SUGP1: variants seen among roughly 807,000 people sequenced by gnomAD.
SUGP1 encodes the protein SURP and G-patch domain containing 1, also known as SURP and G-patch domain-containing protein 1.
SUGP1 carries 34 observed loss-of-function variants against 76.5 expected under a neutral mutation model. That is an observed-to-expected ratio of 0.44 (90% CI 0.34 to 0.59). The LOEUF is 0.59. Ranked by LOEUF, SUGP1 falls within the 20% of genes least tolerant of loss-of-function variation. SUGP1 has a pLI of 0.01. For missense variants in SUGP1, 752 were observed against 851.7 expected (o/e 0.88, Z 1.46); for synonymous variants, 326 against 326.2 (o/e 1.00, Z 0.01).
chr19:19,297,759 C>T (rs1568627279), intron 7 of SUGP1, among the ~76,000 whole-genome samples: 1 of 152,334 alleles, frequency 6.6e-6, no homozygotes, highest in East Asian at 1.9e-4. Context: ...ATCCCAAGGG[C>T]TTCTCAAATG....
chr19:19,297,967 G>A (rs750467982), intron 7 of SUGP1, among the ~76,000 whole-genome samples: 12 of 152,204 alleles, frequency 7.9e-5, no homozygotes, highest in African/African-American at 2.7e-4. Flanking sequence ...CTCTCGGACC[G>A]TACACATCCC....
At chr19:19,308,107 C>T (rs2240117) in intron 3 of SUGP1, among the ~76,000 whole-genome samples, 22,891 of 152,150 alleles carry the variant, frequency 0.15, 1,857 homozygotes, top group East Asian at 0.22. Flanking sequence ...CCACTCACTG[C>T]TACCTCCGCC....
At chr19:19,299,764 G>C (rs1241484440) in intron 7 of SUGP1, among the ~76,000 whole-genome samples, 2 of 151,698 alleles carry the variant, frequency 1.3e-5, no homozygotes, top group African/African-American at 2.4e-5. Context: ...CTAGTCCAAG[G>C]GATGGGCGTT....
intron 2 of SUGP1, among the ~76,000 whole-genome samples, chr19:19,315,335 A>G (rs1457754336): frequency 6.6e-6 from 1 of 151,984 alleles, no homozygotes; most frequent in South Asian, 2.1e-4. Flanking sequence ...CTCAAAGAAA[A>G]AAAAAAAGGA....
intron 8 of SUGP1, among the ~76,000 whole-genome samples, chr19:19,295,566 A>G (rs952865800): frequency 6.4e-5 from 9 of 141,572 alleles, no homozygotes; most frequent in African/African-American, 2.4e-4. Flanking sequence ...ACTGTGCCAC[A>G]CTGTACTCCA....
At chr19:19,279,120 C>G in intron 10 of SUGP1, 93 bp downstream of exon 10, 1 of 1,373,884 alleles carries the variant, frequency 7.3e-7, no homozygotes, top group Non-Finnish European at 9.7e-7. Context: ...GATGGCAGCT[C>G]AAGACCACGT....
intron 2 of SUGP1, among the ~76,000 whole-genome samples, chr19:19,315,488 T>C (rs2061387175): frequency 6.6e-6 from 1 of 152,268 alleles, no homozygotes; most frequent in African/African-American, 2.4e-5. Flanking sequence ...CATCACCCCT[T>C]GATCAAAACC....
At position 19,279,487 on chromosome 19, in the gene SUGP1, G is replaced by A. The variant is rs922936580; in HGVS notation, c.1351-97C>T. ...CCTCCAGTGCTGGGCATCCCCCGCCGGAACGTGGCTCATCTGGACCCCTGG... is the reference window on the plus strand; with the variant it reads ...CCTCCAGTGCTGGGCATCCCCCGCCAGAACGTGGCTCATCTGGACCCCTGG... On this transcript the variant is annotated intron_variant, in intron 9 of 13. Transcript: ENST00000247001. 2.8e-5 allele frequency: 39 copies of A among 1,369,572 alleles called. No individual in the cohort carries two copies. The East Asian group carries it at 6.0e-4, about 21-fold the overall frequency. The allele number at this position is 1,369,572 out of a possible 1,614,324, so 84.8% of individuals were successfully genotyped here.
chr19:19,298,220 G>A lies in SUGP1; in HGVS notation c.888-876C>T, dbSNP rs375117554. Among the ~76,000 whole-genome samples, 695 of 150,606 alleles carry A rather than the reference G, an allele frequency of 4.6e-3. 3 individuals carry two copies. The highest frequency in any genetic ancestry group is 0.031 in the South Asian group (149 of 4,760). On this transcript the variant is annotated intron_variant, in intron 7 of 13. Coordinates refer to ENST00000247001, the MANE Select transcript of SUGP1 (RefSeq NM_172231.4). ...GAAGTCCCTTTGTGTTACAGAGGCCGGGCGCGGTGGCTCACGCCTGTAATC... is the reference window on the plus strand; with the variant it reads ...GAAGTCCCTTTGTGTTACAGAGGCCAGGCGCGGTGGCTCACGCCTGTAATC...
At chr19:19,319,520 T>C (rs2061422137) in intron 1 of SUGP1, among the ~76,000 whole-genome samples, 2 of 151,654 alleles carry the variant, frequency 1.3e-5, no homozygotes, top group South Asian at 4.2e-4. Context: ...GAGGATCGCT[T>C]GAGCCTAGGA....
At chr19:19,289,124 C>A (rs186410726) in intron 8 of SUGP1, among the ~76,000 whole-genome samples, 2 of 152,160 alleles carry the variant, frequency 1.3e-5, no homozygotes, top group African/African-American at 2.4e-5. Context: ...GGTGTCCCAA[C>A]CCCCATGTTG....
intron 3 of SUGP1, among the ~76,000 whole-genome samples, chr19:19,309,503 G>A (rs775893300): frequency 2.0e-5 from 3 of 152,120 alleles, no homozygotes; most frequent in Non-Finnish European, 2.9e-5. Flanking sequence ...TTACTGGCCG[G>A]GCGGAGTGGC....
rs989817534 is a variant in SUGP1 at position 19,276,768 on chromosome 19, C to T, written c.1912-94G>A. The T allele has an allele frequency of 5.7e-6, 9 of 1,590,596 alleles. No homozygotes were observed. The African/African-American group carries it at 1.1e-4, about 19-fold the overall frequency. On this transcript the variant is annotated intron_variant, in intron 13 of 13. Coordinates refer to ENST00000247001, the MANE Select transcript of SUGP1 (RefSeq NM_172231.4). Reference sequence around the variant, plus strand: ...AACCTTCCGGAGGCAGCTGAGCCCGCACCCTTGAGGTGGCAGGGCAGGCTT... The same window carrying T: ...AACCTTCCGGAGGCAGCTGAGCCCGTACCCTTGAGGTGGCAGGGCAGGCTT...
At chr19:19,317,338 A>G (rs1407102609) in intron 1 of SUGP1, among the ~76,000 whole-genome samples, 2 of 152,208 alleles carry the variant, frequency 1.3e-5, no homozygotes, top group African/African-American at 4.8e-5. Flanking sequence ...GGGCAGAAGA[A>G]GGAGCAGATG....
intron 13 of SUGP1, 122 bp from the exon 14 acceptor site, chr19:19,276,796 G>A (rs915519485): frequency 1.9e-5 from 29 of 1,549,162 alleles, no homozygotes; most frequent in Non-Finnish European, 2.5e-5. Flanking sequence ...GCAGGCTTGG[G>A]GGACGGGTGG....
At chr19:19,319,028 G>A (rs2061416156) in intron 1 of SUGP1, among the ~76,000 whole-genome samples, 1 of 152,058 alleles carries the variant, frequency 6.6e-6, no homozygotes, top group Non-Finnish European at 1.5e-5. Context: ...GACCAGCCTG[G>A]CCAACATGGT....
chr19:19,304,543 G>A (rs568755714), intron 4 of SUGP1, among the ~76,000 whole-genome samples: 197 of 152,306 alleles, frequency 1.3e-3, no homozygotes, highest in Non-Finnish European at 2.3e-3. Flanking sequence ...TTATTTCGGG[G>A]CCTTTTCAGT....
In SUGP1 at chr19:19,299,300, C is replaced by A. The variant is rs145700496; in HGVS notation, c.888-1956G>T. On this transcript the variant is annotated intron_variant, in intron 7 of 13. Transcript: ENST00000247001. ...GGGTGCCTTCTGAAGGCGGCATACT[C>A]CACTGGGGAGATGTGCTGATGATTT... 1.4e-4 allele frequency among the ~76,000 whole-genome samples: 22 copies of A among 152,344 alleles called. No individual in the cohort carries two copies. The East Asian group carries it at 4.2e-3, about 29-fold the overall frequency.
chr19:19,313,266 G>C (rs939323799), intron 2 of SUGP1, among the ~76,000 whole-genome samples: 1 of 151,962 alleles, frequency 6.6e-6, no homozygotes, highest in Non-Finnish European at 1.5e-5. Flanking sequence ...GTGGTAGCGG[G>C]CACCTGTAAT....
Sources: allele counts gnomAD v4.1 joint callset (sites outside exome capture counted in the v4.1 genomes callset), GRCh38; gene constraint gnomAD v4.1.1; transcripts MANE v1.5; gene names NCBI Gene and HGNC (gene_info 2026-07-23, HGNC 2026-07-21).